Variants in PTPRD observed in about 807,000 individuals in gnomAD.
The protein encoded by PTPRD is protein tyrosine phosphatase receptor type D, also known as receptor-type tyrosine-protein phosphatase delta.
A neutral mutation model predicts 214.5 loss-of-function variants in PTPRD; 34 were observed. The observed-to-expected ratio is 0.16, with a 90% confidence interval of 0.12 to 0.21. The LOEUF is 0.21. Among genes scored for constraint, PTPRD ranks in the 10% least tolerant of loss-of-function variants. The pLI is 1.00. For missense variants in PTPRD, 2,545 were observed against 2,398.7 expected (o/e 1.06, Z -1.27); for synonymous variants, 1,128 against 845.7 (o/e 1.33, Z -5.79).
chr9:8,900,259 G>A (rs563658291), intron 11 of PTPRD, among the ~76,000 whole-genome samples: 1 of 152,292 alleles, frequency 6.6e-6, no homozygotes, highest in Non-Finnish European at 1.5e-5. Context: ...GTATCAAAAT[G>A]TATGTTTAAA....
At chr9:10,011,253 TC>T (rs1420522323) in intron 4 of PTPRD, among the ~76,000 whole-genome samples, 2 of 151,908 alleles carry the variant, frequency 1.3e-5, no homozygotes, top group African/African-American at 4.8e-5. Context: ...AAACTGAAGA[TC>T]TGATCATTAG....
chr9:9,350,899 G>C (rs1171392307), intron 9 of PTPRD, among the ~76,000 whole-genome samples: 1 of 152,050 alleles, frequency 6.6e-6, no homozygotes, highest in Non-Finnish European at 1.5e-5. Context: ...TTTTCTGAGA[G>C]TGTCCAGTTG....
At chr9:9,844,154 A>G (rs2058950310) in intron 5 of PTPRD, among the ~76,000 whole-genome samples, 1 of 151,810 alleles carries the variant, frequency 6.6e-6, no homozygotes, top group African/African-American at 2.4e-5. Context: ...CCTTAATTTT[A>G]TTGTTTTTTG....
intron 9 of PTPRD, among the ~76,000 whole-genome samples, chr9:9,382,025 C>T (rs75092132): frequency 1.3e-5 from 2 of 152,182 alleles, no homozygotes; most frequent in African/African-American, 4.8e-5. Context: ...GGACATCTTT[C>T]CATTTATTTG....
chr9:8,345,165 C>G (rs1032889796), intron 39 of PTPRD, among the ~76,000 whole-genome samples: 1 of 152,004 alleles, frequency 6.6e-6, no homozygotes, highest in African/African-American at 2.4e-5. Context: ...CATTTATCAT[C>G]GTGGCAAATG....
chr9:9,175,642 A>AAAC (rs1569558784), intron 10 of PTPRD, among the ~76,000 whole-genome samples: 2 of 148,754 alleles, frequency 1.3e-5, no homozygotes, highest in Non-Finnish European at 1.5e-5. Flanking sequence ...AAAAAAAAAA[A>AAAC]AAAAAAAAGA....
intron 3 of PTPRD, among the ~76,000 whole-genome samples, chr9:10,271,888 T>A (rs575935536): frequency 3.3e-5 from 5 of 152,272 alleles, no homozygotes; most frequent in South Asian, 2.1e-4. Flanking sequence ...GATTTTTTTT[T>A]AAATTTTATT....
At chr9:9,269,988 T>C (rs1435647104) in intron 9 of PTPRD, among the ~76,000 whole-genome samples, 1 of 150,164 alleles carries the variant, frequency 6.7e-6, no homozygotes, top group African/African-American at 2.4e-5. Context: ...ATTAATAAAA[T>C]TAATAATTTA....
chr9:8,499,609 T>G (rs1356497570), intron 25 of PTPRD, 38 bp downstream of exon 25: 5 of 1,572,066 alleles, frequency 3.2e-6, no homozygotes, highest in Non-Finnish European at 4.3e-6. Context: ...GATAAACTTA[T>G]TATATAAAAA....
intron 14 of PTPRD, among the ~76,000 whole-genome samples, chr9:8,530,652 G>C (rs893511619): frequency 2.6e-5 from 4 of 152,116 alleles, no homozygotes; most frequent in Middle Eastern, 3.4e-3. Flanking sequence ...CTAAGCCTAA[G>C]TATGAATATA....
intron 7 of PTPRD, among the ~76,000 whole-genome samples, chr9:9,654,317 A>G (rs140858044): frequency 6.6e-6 from 1 of 152,158 alleles, no homozygotes; most frequent in South Asian, 2.1e-4. Flanking sequence ...TCTTCTTATA[A>G]AAAGTTTAAT....
intron 10 of PTPRD, among the ~76,000 whole-genome samples, chr9:9,175,750 T>C (rs1317916605): frequency 6.6e-6 from 1 of 151,642 alleles, no homozygotes; most frequent in Non-Finnish European, 1.5e-5. Context: ...TCCATATTTC[T>C]ACCGGCCCAA....
At chr9:10,128,482 C>T (rs1030596371) in intron 3 of PTPRD, among the ~76,000 whole-genome samples, 1 of 152,130 alleles carries the variant, frequency 6.6e-6, no homozygotes, top group East Asian at 1.9e-4. Flanking sequence ...GAAGCTATGA[C>T]TGAGGCATGA....
intron 2 of PTPRD, among the ~76,000 whole-genome samples, chr9:10,539,371 G>C (rs1316846098): frequency 6.6e-6 from 1 of 152,116 alleles, no homozygotes; most frequent in Non-Finnish European, 1.5e-5. Flanking sequence ...TTTTAGTAGA[G>C]ACGGTTTTTT....
chr9:9,704,489 G>A (rs1297867930), intron 7 of PTPRD, among the ~76,000 whole-genome samples: 3 of 152,152 alleles, frequency 2.0e-5, no homozygotes, highest in East Asian at 1.9e-4. Flanking sequence ...ATAGCCACAA[G>A]TTCTTTGATA....
Position 9,312,013 on chromosome 9 carries a change from G to C in PTPRD, c.-203+85436C>G, listed in dbSNP as rs543283074. 2.0e-5 allele frequency among the ~76,000 whole-genome samples: 3 copies of C among 152,248 alleles called. No homozygotes were observed. In the South Asian group the frequency reaches 6.2e-4, roughly 32 times the overall value. On this transcript the variant is annotated intron_variant, in intron 9 of 45. Coordinates refer to ENST00000381196, the MANE Select transcript of PTPRD (RefSeq NM_002839.4). ...ACTGCAGTTTTAATTTGCTAGTCCT[G>C]TTTATTCTCAACAAAGGAAGTGTAA...
intron 10 of PTPRD, among the ~76,000 whole-genome samples, chr9:9,166,633 T>C (rs1569557196): frequency 6.6e-6 from 1 of 152,202 alleles, no homozygotes; most frequent in Non-Finnish European, 1.5e-5. Flanking sequence ...AGTTTCTTGC[T>C]TGTAGACTAC....
chr9:9,771,815 T>G (rs10977967), intron 5 of PTPRD, among the ~76,000 whole-genome samples: 34,600 of 151,986 alleles, frequency 0.23, 4,898 homozygotes, highest in South Asian at 0.34. Context: ...TCTTTGTATC[T>G]GCTTAAACCA....
rs147824554 is a variant in PTPRD, at chr9:9,951,126, G to T, written c.-471-12516C>A. ...TAATTAGAATAAGATGTAGGAGGAGGGTGAAATATGTATATGTAGCCCTTT... is the reference window on the plus strand; with the variant it reads ...TAATTAGAATAAGATGTAGGAGGAGTGTGAAATATGTATATGTAGCCCTTT... On this transcript the variant is annotated intron_variant, in intron 4 of 45. Transcript: ENST00000381196. Among the ~76,000 whole-genome samples, 300 of 152,164 alleles carry T rather than the reference G, an allele frequency of 2.0e-3. 1 individual carries two copies. The highest frequency in any genetic ancestry group is 6.7e-3 in the African/African-American group (278 of 41,522).
Sources: allele counts gnomAD v4.1 joint callset (sites outside exome capture counted in the v4.1 genomes callset), GRCh38; gene constraint gnomAD v4.1.1; transcripts MANE v1.5; gene names NCBI Gene and HGNC (gene_info 2026-07-23, HGNC 2026-07-21).